PCDHGA3: variants seen among roughly 807,000 people sequenced by gnomAD.
PCDHGA3 encodes protocadherin gamma-A3.
In PCDHGA3, 40 loss-of-function variants were observed where a neutral mutation model predicts 58.5. The ratio of observed to expected loss-of-function variants is 0.68; its 90% CI spans 0.53 to 0.89. The LOEUF is 0.89. PCDHGA3 is among the 40% of genes least tolerant of loss of function. The pLI is 0.00. For missense variants in PCDHGA3, 1,223 were observed against 1,195.9 expected, an observed-to-expected ratio of 1.02 and a Z score of -0.33; for synonymous variants, 530 against 525.7, an observed-to-expected ratio of 1.01 and a Z score of -0.11.
chr5:141,394,454 A>G (rs1394596470), intron 1 of PCDHGA3: 2 of 1,614,212 alleles, frequency 1.2e-6, no homozygotes, highest in Admixed American at 1.7e-5. Context: ...GCAACATGTC[A>G]CTGAGCCTGT....
At chr5:141,507,676 A>G (rs2099862523) in intron 3 of PCDHGA3, among the ~76,000 whole-genome samples, 1 of 152,252 alleles carries the variant, frequency 6.6e-6, no homozygotes, top group African/African-American at 2.4e-5. Flanking sequence ...TCCAGATGTT[A>G]AAAACAGAAA....
intron 1 of PCDHGA3, chr5:141,366,565 G>T: frequency 1.2e-6 from 2 of 1,614,252 alleles, no homozygotes; most frequent in Non-Finnish European, 1.7e-6. Context: ...GCGTGGATGG[G>T]GTTCGGGCTT....
At chr5:141,356,141 T>C (rs1292907004) in intron 1 of PCDHGA3, 6 of 1,613,710 alleles carry the variant, frequency 3.7e-6, no homozygotes, top group Admixed American at 3.3e-5. Flanking sequence ...GACTCTGGAT[T>C]CTATGACATA....
At chr5:141,364,173 G>T (rs2149854430) in intron 1 of PCDHGA3, 2 of 806,624 alleles carry the variant, frequency 2.5e-6, no homozygotes, top group Non-Finnish European at 3.6e-6. Context: ...ACCCGACTCT[G>T]CTCCCTCCAT....
Position 141,485,731 on chromosome 5 carries a change from C to T in PCDHGA3, c.2425-9076C>T, listed in dbSNP as rs1440070106. The T allele has an allele frequency of 1.9e-6, 3 of 1,614,036 alleles. No individual in the cohort carries two copies. The highest frequency in any genetic ancestry group is 2.2e-5 in the South Asian group (2 of 91,080). On this transcript the variant is annotated intron_variant, in intron 1 of 3. Transcript: ENST00000253812. This position sits in a 1 kb window ranked among gnomAD's most constrained non-coding sequence, Gnocchi z 5.7. ...TTGCACTGGATGTGAAGAAGCGCAG[C>T]GACGGCAGCCTGGTCCCAGAGCTGC...
At chr5:141,408,812 G>T (rs1383299883) in intron 1 of PCDHGA3, 2 of 1,613,454 alleles carry the variant, frequency 1.2e-6, no homozygotes, top group Non-Finnish European at 8.5e-7. Context: ...AGACCGGGAA[G>T]AACAGAGATC....
chr5:141,349,802 C>A (rs1758351932), intron 1 of PCDHGA3, among the ~76,000 whole-genome samples: 2 of 151,314 alleles, frequency 1.3e-5, no homozygotes, highest in South Asian at 4.2e-4. Flanking sequence ...TTTTTTTTTA[C>A]CCCCAAAACT....
At chr5:141,425,069 A>C (rs771114613) in intron 1 of PCDHGA3, among the ~76,000 whole-genome samples, 30 of 152,170 alleles carry the variant, frequency 2.0e-4, no homozygotes, top group Non-Finnish European at 4.1e-4. Context: ...GACAAAAATA[A>C]TTTCAACTGT....
chr5:141,419,605 G>A, intron 1 of PCDHGA3: 1 of 1,611,776 alleles, frequency 6.2e-7, no homozygotes, highest in Non-Finnish European at 8.5e-7. Flanking sequence ...CGCGGGCCGC[G>A]CAGCCAGGCT....
In PCDHGA3 at chr5:141,486,890, G is replaced by T; in HGVS notation, c.2425-7917G>T. On this transcript the variant is annotated intron_variant, in intron 1 of 3. Coordinates refer to ENST00000253812, the MANE Select transcript of PCDHGA3 (RefSeq NM_018916.4). The surrounding 1 kb of genome is among the most constrained non-coding windows in gnomAD (Gnocchi z 5.0). ...TGTGCTCCGTCCTCGGGCCCGGCCT[G>T]GTTCCTTATGTCCCCAAGCACTGCC... 6.2e-7 allele frequency: 1 copy of T among 1,614,242 alleles called. No individual in the cohort carries two copies. The highest frequency in any genetic ancestry group is 8.5e-7 in the Non-Finnish European group (1 of 1,180,048).
intron 1 of PCDHGA3, chr5:141,385,269 T>TAACATCCTTAGATGTTAGA (rs771830831): frequency 1.9e-4 from 313 of 1,614,062 alleles, no homozygotes; most frequent in Non-Finnish European, 2.4e-4. Context: ...AAAATGATTC[T>TAACATCCTTAGATGTTAGA]TTGCTAACAT....
chr5:141,374,131 C>T (rs1425329910), intron 1 of PCDHGA3: 4 of 1,604,596 alleles, frequency 2.5e-6, no homozygotes, highest in Non-Finnish European at 8.5e-7. Context: ...AGGTCCTGCT[C>T]CTCACGCTCC....
rs951964805 is a variant in PCDHGA3, at chr5:141,512,109, C to A, written c.*936C>A. The A allele has an allele frequency of 1.0e-4, 16 of 152,656 alleles. No individual in the cohort carries two copies. The highest frequency in any genetic ancestry group is 1.5e-5 in the Non-Finnish European group (1 of 68,058). 9.5% of individuals were successfully genotyped at this position (152,656 alleles called of 1,614,324 possible). Reference sequence around the variant, plus strand: ...ACCAATAACTAGGCTGGACCCTTCCCACTACATAATAGGGCTCAGCCCAGG... The same window carrying A: ...ACCAATAACTAGGCTGGACCCTTCCAACTACATAATAGGGCTCAGCCCAGG... On this transcript the variant is annotated 3_prime_UTR_variant, in exon 4 of 4. Coordinates refer to ENST00000253812, the MANE Select transcript of PCDHGA3 (RefSeq NM_018916.4).
chr5:141,484,236 G>C (rs1272971014), intron 1 of PCDHGA3, among the ~76,000 whole-genome samples: 2 of 152,132 alleles, frequency 1.3e-5, no homozygotes, highest in Non-Finnish European at 2.9e-5. Context: ...AAGAGATCTG[G>C]TCCTTAGCAC....
At position 141,346,040 on chromosome 5, in the gene PCDHGA3, C is replaced by T. The variant is rs540686515; in HGVS notation, c.2007C>T (p.Pro669=). ...CCGTGGCCGTGGCCGACAGGATCCC[C>T]GACATCCTGGCCGACCTGGGCAGCC... ...TLTVAVADRI[P]DILADLGSLE... Residue 669 remains proline, a synonymous_variant, in exon 1 of 4, where the codon CCC becomes CCT. Coordinates refer to ENST00000253812, the MANE Select transcript of PCDHGA3 (RefSeq NM_018916.4). 6 of 1,613,578 alleles carry T rather than the reference C, an allele frequency of 3.7e-6. No homozygotes were observed. The South Asian group carries it at 5.5e-5, about 15-fold the overall frequency.
At chr5:141,413,056 T>A in intron 1 of PCDHGA3, 1 of 1,030,200 alleles carries the variant, frequency 9.7e-7, no homozygotes, top group East Asian at 2.6e-5. Flanking sequence ...GGAAGCTCAC[T>A]CCAGAATTTA....
chr5:141,410,726 A>G, intron 1 of PCDHGA3: 4 of 1,376,038 alleles, frequency 2.9e-6, no homozygotes, highest in Non-Finnish European at 3.9e-6. Context: ...TTTAAAATCC[A>G]TAGCTTTTTA....
chr5:141,389,770 C>A, intron 1 of PCDHGA3: 4 of 1,613,166 alleles, frequency 2.5e-6, no homozygotes, highest in Non-Finnish European at 3.4e-6. Context: ...ACAGCGCGTG[C>A]CTTAGGCGAC....
In PCDHGA3 at chr5:141,344,120, T is replaced by C. The variant is rs746958849; in HGVS notation, c.87T>C (p.Gly29=). ...LLGTLCETGS[G]QIRYSVSEEL... ...GGACGCTGTGCGAAACAGGATCCGG[T>C]CAGATCCGCTACTCGGTGTCTGAGG... is the stretch of plus-strand genomic sequence containing the variant. Residue 29 remains glycine (G), a synonymous_variant, in exon 1 of 4, where the codon GGT becomes GGC. Coordinates refer to ENST00000253812, the MANE Select transcript of PCDHGA3 (RefSeq NM_018916.4). 2 of 1,614,012 alleles carry C rather than the reference T, an allele frequency of 1.2e-6. No individual in the cohort carries two copies. The highest frequency in any genetic ancestry group is 1.7e-6 in the Non-Finnish European group (2 of 1,179,898).
Sources: gnomAD v4.1 joint callset for allele counts (sites outside exome capture counted in the v4.1 genomes callset) on GRCh38, gnomAD v4.1.1 for gene constraint, Gnocchi (gnomAD v3.1) non-coding constraint, MANE v1.5 for transcripts, NCBI Gene and HGNC (gene_info 2026-07-23, HGNC 2026-07-21) for gene names.